NOSTRIN: variants seen among roughly 807,000 people sequenced by gnomAD.
NOSTRIN encodes the protein BM247 homolog.
In NOSTRIN, 63 loss-of-function variants were observed where a neutral mutation model predicts 59.0. The observed-to-expected ratio is 1.07, with a 90% CI of 0.87 to 1.32. The LOEUF (loss-of-function observed/expected upper bound fraction) is 1.32. NOSTRIN is among the 40% of genes most tolerant of loss of function. The probability of loss-of-function intolerance (pLI) is 0.00; values close to 1 mark genes in which losing one functional copy is unlikely to be tolerated. For missense variants in NOSTRIN, 512 were observed against 473.1 expected (o/e 1.08, Z -0.76); for synonymous variants, 200 against 165.4 (o/e 1.21, Z -1.61).
At chr2:168,838,587 C>A (rs950953066) in intron 7 of NOSTRIN, among the ~76,000 whole-genome samples, 3 of 151,988 alleles carry the variant, frequency 2.0e-5, no homozygotes, top group East Asian at 3.9e-4. Flanking sequence ...CCACTGCTGA[C>A]ATCCTCTCTC....
intron 7 of NOSTRIN, among the ~76,000 whole-genome samples, chr2:168,836,523 A>G (rs976826251): frequency 6.6e-6 from 1 of 152,170 alleles, no homozygotes; most frequent in Non-Finnish European, 1.5e-5. Context: ...CTCATCTCAC[A>G]TAGAAGCGCT....
chr2:168,819,116 A>C (rs956954438), intron 2 of NOSTRIN, among the ~76,000 whole-genome samples: 3 of 152,184 alleles, frequency 2.0e-5, no homozygotes, highest in African/African-American at 7.2e-5. Context: ...TATTTTAATG[A>C]GGGAATGAAA....
At chr2:168,862,113 C>T (rs1689495209) in intron 15 of NOSTRIN, 64 bp downstream of exon 15, 2 of 1,460,212 alleles carry the variant, frequency 1.4e-6, no homozygotes, top group African/African-American at 1.4e-5. Context: ...ATGAATAAAA[C>T]CCTGTCTTAG....
chr2:168,807,705 T>C (rs1685931109), intron 1 of NOSTRIN, among the ~76,000 whole-genome samples: 1 of 152,146 alleles, frequency 6.6e-6, no homozygotes, highest in Non-Finnish European at 1.5e-5. Context: ...CACCGTTGAA[T>C]TGGCAGAGTA....
At chr2:168,789,070 G>A (rs1273012643) in intron 2 of NOSTRIN, among the ~76,000 whole-genome samples, 1 of 152,146 alleles carries the variant, frequency 6.6e-6, no homozygotes, top group African/African-American at 2.4e-5. Flanking sequence ...AAAGGAACCA[G>A]GGCTCCTTGA....
chr2:168,801,675 G>T (rs1335289291), upstream of NOSTRIN, among the ~76,000 whole-genome samples: 2 of 152,164 alleles, frequency 1.3e-5, no homozygotes, highest in African/African-American at 2.4e-5. Flanking sequence ...GCCTGCCCTT[G>T]CCTGCCAGTC....
chr2:168,837,504 T>C (rs1355050494), intron 7 of NOSTRIN, among the ~76,000 whole-genome samples: 1 of 151,936 alleles, frequency 6.6e-6, no homozygotes, highest in Non-Finnish European at 1.5e-5. Flanking sequence ...AGAGATGGGA[T>C]TTCACCGAGT....
At chr2:168,787,178 G>C (rs899865838) in intron 1 of NOSTRIN, among the ~76,000 whole-genome samples, 32 of 152,150 alleles carry the variant, frequency 2.1e-4, no homozygotes, top group South Asian at 2.1e-4. Context: ...GAGTCAAGTG[G>C]AAAGAGGAAA....
intron 1 of NOSTRIN, among the ~76,000 whole-genome samples, chr2:168,803,417 T>C (rs1426347293): frequency 6.6e-6 from 1 of 152,170 alleles, no homozygotes; most frequent in African/African-American, 2.4e-5. Flanking sequence ...AAAGCTAAGA[T>C]TGGTGACATC....
intron 7 of NOSTRIN, among the ~76,000 whole-genome samples, chr2:168,835,531 T>C (rs1409419779): frequency 1.3e-5 from 2 of 152,244 alleles, no homozygotes; most frequent in African/African-American, 4.8e-5. Flanking sequence ...GGTTAAATTG[T>C]TGGTAGTAAC....
At position 168,851,155 on chromosome 2, in the gene NOSTRIN, TTC is replaced by T; in HGVS notation, c.706_707del (p.Leu236PhefsTer20). 1 of 1,612,316 alleles carries T rather than the reference TTC, an allele frequency of 6.2e-7. No individual in the cohort carries two copies. The highest frequency in any genetic ancestry group is 1.3e-5 in the African/African-American group (1 of 75,020). ...NNLNQYSQHI[S>X]LFGQTLTTCH... is the part of the protein sequence containing the mutation. ...ACTTAAACCAGTACAGCCAACATAT[TTC>T]TCTTTTTGGCCAAACCCTGACCACA... On this transcript the variant is annotated frameshift_variant, in exon 9 of 16. Coordinates refer to ENST00000317647, the MANE Select transcript of NOSTRIN (RefSeq NM_001039724.4). LOFTEE classifies it high-confidence loss of function.
chr2:168,804,970 G>A (rs1406194472), intron 1 of NOSTRIN, among the ~76,000 whole-genome samples: 1 of 151,996 alleles, frequency 6.6e-6, no homozygotes, highest in Non-Finnish European at 1.5e-5. Context: ...CAAAATGTTG[G>A]TAATACTTAA....
At chr2:168,855,223 C>G in intron 10 of NOSTRIN, 129 bp from the exon 11 acceptor site, 1 of 513,888 alleles carries the variant, frequency 1.9e-6, no homozygotes, top group Non-Finnish European at 3.5e-6. Flanking sequence ...TAAAGATTAT[C>G]CTGCTTAAAA....
intron 11 of NOSTRIN, 102 bp downstream of exon 11, chr2:168,855,562 C>A: frequency 6.1e-6 from 2 of 329,464 alleles, no homozygotes; most frequent in South Asian, 4.3e-5. Context: ...TGGCAGGGGT[C>A]TTCTCATTTA....
chr2:168,801,014 A>C (rs1268560659), upstream of NOSTRIN: 1 of 150,778 alleles, frequency 6.6e-6, no homozygotes, highest in East Asian at 2.0e-4. Context: ...CAAAGTGCTA[A>C]GATTACAGGT....
chr2:168,798,031 T>G (rs567476800), upstream of NOSTRIN: 101 of 152,340 alleles, frequency 6.6e-4, no homozygotes, highest in African/African-American at 2.3e-3. Flanking sequence ...CATCCTCCCA[T>G]GTACTTTAAA....
rs75192387 is a variant in NOSTRIN at position 168,837,673 on chromosome 2, T to G, written c.504+3348T>G. 7.9e-3 allele frequency among the ~76,000 whole-genome samples: 1,201 copies of G among 152,264 alleles called. 23 individuals carry two copies. Among genetic ancestry groups the G allele is most frequent in the African/African-American group, 0.027 (1,122 of 41,562 alleles). On this transcript the variant is annotated intron_variant, in intron 7 of 15. Transcript: ENST00000317647. ...TTCCACTTCCTCATCTTCTGTTCAC[T>G]CTTCAAATCACCCTAATCAAGCTTT...
intron 7 of NOSTRIN, among the ~76,000 whole-genome samples, 182 bp downstream of exon 7, chr2:168,834,507 G>GCGCGCGCGCGCGCACACACACACA (rs756381301): frequency 6.4e-5 from 8 of 125,340 alleles, no homozygotes; most frequent in East Asian, 2.4e-4. Flanking sequence ...GCGCGCGCGC[G>GCGCGCGCGCGCGCACACACACACA]CACACACACA....
chr2:168,863,142 C>A lies in NOSTRIN; in HGVS notation c.1384+1093C>A, dbSNP rs142199375. On this transcript the variant is annotated intron_variant, in intron 15 of 15. Transcript: ENST00000317647. The stretch of plus-strand genomic sequence containing the variant: ...AGTTCTCTGTTGGTTGCAAAGCCTA[C>A]TTATACTTTATATTCTAAGCAGTTT... Among the ~76,000 whole-genome samples, 1,241 of 152,234 alleles carry A rather than the reference C, an allele frequency of 8.2e-3. 14 individuals are homozygous for A. Among genetic ancestry groups the A allele is most frequent in the South Asian group, 0.036 (172 of 4,810 alleles).
Sources: gnomAD v4.1 joint callset for allele counts (sites outside exome capture counted in the v4.1 genomes callset) on GRCh38, gnomAD v4.1.1 for gene constraint, MANE v1.5 for transcripts, NCBI Gene and HGNC (gene_info 2026-07-23, HGNC 2026-07-21) for gene names.